The following TRIM60 variants were observed in gnomAD, a reference collection of about 807,000 sequenced individuals.
TRIM60 encodes tripartite motif containing 60.
For synonymous variants in TRIM60, 189 were observed against 195.2 expected (o/e 0.97, Z 0.27); for missense variants, 524 against 540.8 (o/e 0.97, Z 0.31).
At chr4:165,039,038 G>A (rs1733687206) in intron 1 of TRIM60, among the ~76,000 whole-genome samples, 163 bp from the exon 2 acceptor site, 1 of 151,908 alleles carries the variant, frequency 6.6e-6, no homozygotes, top group African/African-American at 2.4e-5. Flanking sequence ...CTCCAGCCTG[G>A]GTGGCAGCGA....
chr4:165,035,851 T>C (rs541523240), intron 1 of TRIM60, among the ~76,000 whole-genome samples: 2 of 152,244 alleles, frequency 1.3e-5, no homozygotes, highest in Admixed American at 1.3e-4. Flanking sequence ...GCCTCCCAAG[T>C]AGCTGAGATT....
chr4:165,037,284 T>C (rs539258494), intron 1 of TRIM60, among the ~76,000 whole-genome samples: 210 of 152,282 alleles, frequency 1.4e-3, no homozygotes, highest in African/African-American at 4.8e-3. Context: ...CAGTTAGTAT[T>C]AGGACTTTGG....
Position 165,041,034 on chromosome 4 carries a change from G to GA in TRIM60, c.969dup (p.Arg324ThrfsTer6), listed in dbSNP as rs745660493. 8.7e-6 allele frequency: 14 copies of GA among 1,613,728 alleles called. No individual in the cohort carries two copies. The East Asian group carries it at 8.9e-5, about 10-fold the overall frequency. ...GATAGAAAAGCTGTGCGATATGAAA[G>GA]AAAAAAACGAAACATTTGTTATGAC... On this transcript the variant is annotated frameshift_variant, in exon 3 of 3. Coordinates refer to ENST00000512596, the MANE Select transcript of TRIM60 (RefSeq NM_152620.3). LOFTEE classifies it low-confidence loss of function (END_TRUNC).
At chr4:165,035,782 G>A (rs1733608761) in intron 1 of TRIM60, among the ~76,000 whole-genome samples, 1 of 151,304 alleles carries the variant, frequency 6.6e-6, no homozygotes, top group Non-Finnish European at 1.5e-5. Context: ...GAGTGCAATG[G>A]TACTATCTTG....
At chr4:165,036,881 CAAAAAAAAAAA>C (rs58526101) in intron 1 of TRIM60, among the ~76,000 whole-genome samples, 5,736 of 76,306 alleles carry the variant, frequency 0.075, 381 homozygotes, top group African/African-American at 0.21. Context: ...GACTCTGTCT[CAAAAAAAAAAA>C]AAAAGAAAAA....
chr4:165,040,218 A>G lies in TRIM60; in HGVS notation c.146A>G (p.Asp49Gly). 6.2e-7 allele frequency: 1 copy of G among 1,614,146 alleles called. No homozygotes were observed. The highest frequency in any genetic ancestry group is 8.5e-7 in the Non-Finnish European group (1 of 1,180,030). Reference sequence around the variant, plus strand: ...AGTGTATCCTGGAAGGATCTAGATGATACCTTTCCCTGTCCTGTCTGCCGT... The same window carrying G: ...AGTGTATCCTGGAAGGATCTAGATGGTACCTTTCCCTGTCCTGTCTGCCGT... The part of the protein sequence containing the change: ...CLSVSWKDLD[D>G]TFPCPVCRFC... The change falls in exon 3 of 3, where the codon GAT becomes GGT. Residue 49 changes from aspartate to glycine, a missense_variant. Asp to Gly is a moderately conservative substitution (Grantham distance 94). Transcript: ENST00000512596.
chr4:165,041,309 A>G lies in TRIM60; in HGVS notation c.1237A>G (p.Ser413Gly). The stretch of plus-strand genomic sequence containing the variant: ...CCAGCTTCTGCCAGTAGTAAAACCC[A>G]GTAAAATTGGTATTTTTCTGGACTA... ...TTQLLPVVKP[S>G]KIGIFLDYEL... The change falls in exon 3 of 3, where the codon AGT (serine) becomes GGT (glycine). Residue 413 changes from serine (S) to glycine (G), a missense_variant. Physicochemically the swap from Ser to Gly is moderately conservative, Grantham distance 56. Coordinates refer to ENST00000512596, the MANE Select transcript of TRIM60 (RefSeq NM_152620.3). 1 of 1,614,214 alleles carries G rather than the reference A, an allele frequency of 6.2e-7. No individual in the cohort carries two copies. The highest frequency in any genetic ancestry group is 1.1e-5 in the South Asian group (1 of 91,084).
chr4:165,041,336 G>T lies in TRIM60; in HGVS notation c.1264G>T (p.Glu422Ter). The T allele has an allele frequency of 2.5e-6, 4 of 1,614,204 alleles. No homozygotes were observed. Among genetic ancestry groups the T allele is most frequent in the Non-Finnish European group, 3.4e-6 (4 of 1,180,034 alleles). Residue 422 changes from glutamate (E) to a stop codon, truncating the protein, a stop_gained, in exon 3 of 3, where the codon GAA (glutamate) becomes TAA (stop). Coordinates refer to ENST00000512596, the MANE Select transcript of TRIM60 (RefSeq NM_152620.3). LOFTEE classifies it low-confidence loss of function (END_TRUNC). Reference sequence around the variant, plus strand: ...TAAAATTGGTATTTTTCTGGACTATGAATTGGGTGATCTTTCCTTTTATAA... The same window carrying T: ...TAAAATTGGTATTTTTCTGGACTATTAATTGGGTGATCTTTCCTTTTATAA... ...PSKIGIFLDY[E>*]LGDLSFYNMN...
In TRIM60 at chr4:165,032,103, A is replaced by C. The variant is rs6536886; in HGVS notation, c.-66A>C. ...GCATCAGGCCTGAGCCGCCGGTCCA[A>C]CTGCTCCAGGTAAGCTGGGAGGGCC... On this transcript the variant is annotated 5_prime_UTR_variant, in exon 1 of 3. Transcript: ENST00000512596. 6.6e-6 allele frequency: 1 copy of C among 152,272 alleles called. No homozygotes were observed. Among genetic ancestry groups the C allele is most frequent in the African/African-American group, 2.4e-5 (1 of 41,424 alleles). The allele number at this position is 152,272 out of a possible 1,614,324, so 9.4% of individuals were successfully genotyped here.
At chr4:165,032,545 G>C (rs57046161) in intron 1 of TRIM60, among the ~76,000 whole-genome samples, 5,752 of 152,254 alleles carry the variant, frequency 0.038, 389 homozygotes, top group African/African-American at 0.13. Flanking sequence ...CACCGTGCTC[G>C]GCCGGATTCT....
chr4:165,039,973 G>A (rs910374351), intron 2 of TRIM60, 96 bp from the exon 3 acceptor site: 33 of 925,354 alleles, frequency 3.6e-5, no homozygotes, highest in Non-Finnish European at 4.6e-5. Context: ...CAATCTACAA[G>A]GTCTGGGAGG....
chr4:165,033,617 T>G (rs897011747), intron 1 of TRIM60, among the ~76,000 whole-genome samples: 2 of 152,148 alleles, frequency 1.3e-5, no homozygotes, highest in Admixed American at 1.3e-4. Context: ...GTTATGGAAT[T>G]GATTGACGGG....
Position 165,041,560 on chromosome 4 carries a change from TC to T in TRIM60, c.*73del. 8.7e-7 allele frequency: 1 copy of T among 1,147,876 alleles called. No homozygotes were observed. 71.1% of individuals were successfully genotyped at this position (1,147,876 alleles called of 1,614,324 possible). On this transcript the variant is annotated 3_prime_UTR_variant, in exon 3 of 3. Transcript: ENST00000512596. ...AGTAAATTTAATCTCATTTCTGGAC[TC>T]TTTAAGTTTTACCACTGAAAACCAG...
chr4:165,040,693 T>C lies in TRIM60; in HGVS notation c.621T>C (p.Asp207=). ...AGATGATTCTTAGGCAGATACAAGA[T>C]GAAGAGATGAACATTTTAGCAAAAC... ...EQEMILRQIQ[D]EEMNILAKLN... Residue 207 remains aspartate, a synonymous_variant, in exon 3 of 3, where the codon GAT becomes GAC. Transcript: ENST00000512596. The C allele has an allele frequency of 6.2e-7, 1 of 1,613,828 alleles. No homozygotes were observed. The highest frequency in any genetic ancestry group is 8.5e-7 in the Non-Finnish European group (1 of 1,179,926).
chr4:165,041,197 G>A lies in TRIM60; in HGVS notation c.1125G>A (p.Trp375Ter). 6.2e-7 allele frequency: 1 copy of A among 1,614,178 alleles called. No homozygotes were observed. The highest frequency in any genetic ancestry group is 1.3e-5 in the African/African-American group (1 of 75,054). ...GTCAAGACTGTCTTCTTAGGAACTG[G>A]CAGGATCAGCCATCAGTTCTGGGCG... ...GVCQDCLLRN[W>*]QDQPSVLGGF... The change falls in exon 3 of 3, where the codon TGG becomes TGA. Residue 375 changes from tryptophan (W) to a stop codon, truncating the protein, a stop_gained. Coordinates refer to ENST00000512596, the MANE Select transcript of TRIM60 (RefSeq NM_152620.3). LOFTEE classifies it low-confidence loss of function (END_TRUNC).
intron 1 of TRIM60, among the ~76,000 whole-genome samples, chr4:165,038,101 C>T (rs1321093225): frequency 6.6e-6 from 1 of 151,984 alleles, no homozygotes; most frequent in Non-Finnish European, 1.5e-5. Flanking sequence ...TGATGAGCAG[C>T]AGATAGGATT....
rs1733513890 is a variant in TRIM60, at chr4:165,032,121, G to C, written c.-57+9G>C. ...CGGTCCAACTGCTCCAGGTAAGCTG[G>C]GAGGGCCGCAGGAAAGGCGCAGTAG... On this transcript the variant is annotated intron_variant, in intron 1 of 2. Transcript: ENST00000512596. 1 of 152,432 alleles carries C rather than the reference G, an allele frequency of 6.6e-6. No individual in the cohort carries two copies. The highest frequency in any genetic ancestry group is 6.5e-5 in the Admixed American group (1 of 15,296). The allele number at this position is 152,432 out of a possible 1,614,324, so 9.4% of individuals were successfully genotyped here. A position where few individuals can be genotyped will look rare whatever the true frequency, so the allele number is the denominator to read the frequency against.
Position 165,040,908 on chromosome 4 carries a change from TTCC to T in TRIM60, c.842_844del (p.Pro281del). Reference sequence around the variant, plus strand: ...AGATTAACAAAATATGGTTTCAGTCTTCCTCCTCAATATTCTGGCTTGGACAGA... The same window carrying T: ...AGATTAACAAAATATGGTTTCAGTCTTCCTCAATATTCTGGCTTGGACAGA... On this transcript the variant is annotated inframe_deletion, in exon 3 of 3. Coordinates refer to ENST00000512596, the MANE Select transcript of TRIM60 (RefSeq NM_152620.3). The T allele has an allele frequency of 6.2e-7, 1 of 1,613,076 alleles. No individual in the cohort carries two copies. The highest frequency in any genetic ancestry group is 8.5e-7 in the Non-Finnish European group (1 of 1,179,320).
intron 1 of TRIM60, among the ~76,000 whole-genome samples, chr4:165,036,871 G>C (rs1028453198): frequency 7.2e-6 from 1 of 138,112 alleles, no homozygotes; most frequent in Non-Finnish European, 1.5e-5. Context: ...ACAAGAGTGA[G>C]ACTCTGTCTC....
Sources: allele counts gnomAD v4.1 joint callset (sites outside exome capture counted in the v4.1 genomes callset), GRCh38; gene constraint gnomAD v4.1.1; transcripts MANE v1.5; gene names NCBI Gene and HGNC (gene_info 2026-07-23, HGNC 2026-07-21).